CNTN5: variants seen among roughly 807,000 people sequenced by gnomAD.
The protein encoded by CNTN5 is contactin-5.
In CNTN5, 77 loss-of-function variants were observed where a neutral mutation model predicts 129.1. The ratio of observed to expected loss-of-function variants is 0.60; its 90% CI spans 0.50 to 0.72. The LOEUF (loss-of-function observed/expected upper bound fraction) is 0.72, where lower values mean the gene tolerates loss of function less well. Ranked by LOEUF, CNTN5 falls within the 30% of genes least tolerant of loss-of-function variation. CNTN5 has a pLI of 0.00. For synonymous variants in CNTN5, 509 were observed against 465.6 expected (o/e 1.09, Z -1.20); for missense variants, 1,478 against 1,328.8 (o/e 1.11, Z -1.75).
rs180890838 is a variant in CNTN5, at chr11:100,337,518, C to T, written c.2731-2945C>T. 8.8e-5 allele frequency: 65 copies of T among 740,178 alleles called. No homozygotes were observed. In the East Asian group the frequency reaches 1.1e-3, roughly 12 times the overall value. 45.9% of individuals were successfully genotyped at this position (740,178 alleles called of 1,614,324 possible). ...TCAGGATCTCAAGAACCAGCTCAAA[C>T]GCATGTCTGTATCCCCAGTCAAGCA... On this transcript the variant is annotated intron_variant, in intron 21 of 24. Coordinates refer to ENST00000524871, the MANE Select transcript of CNTN5 (RefSeq NM_014361.4).
intron 1 of CNTN5, among the ~76,000 whole-genome samples, chr11:99,262,402 T>A (rs543727585): frequency 5.9e-5 from 9 of 152,116 alleles, no homozygotes; most frequent in Non-Finnish European, 1.3e-4. Flanking sequence ...GTAATCATAA[T>A]GATAGCTACT....
intron 2 of CNTN5, among the ~76,000 whole-genome samples, chr11:99,502,321 C>A (rs1946453805): frequency 1.3e-5 from 2 of 152,160 alleles, no homozygotes; most frequent in South Asian, 2.1e-4. Context: ...TATGGTTAGG[C>A]TTTGTGTCCC....
chr11:100,153,161 T>G (rs1000364257), intron 13 of CNTN5, among the ~76,000 whole-genome samples: 4 of 152,268 alleles, frequency 2.6e-5, no homozygotes, highest in South Asian at 4.1e-4. Flanking sequence ...AATCAAACTC[T>G]AATCAGCAAA....
In CNTN5 at chr11:100,287,902, G is replaced by A. The variant is rs1299138875; in HGVS notation, c.2315-9723G>A. Among the ~76,000 whole-genome samples, 13 of 152,218 alleles carry A rather than the reference G, an allele frequency of 8.5e-5. No homozygotes were observed. The East Asian group carries it at 1.4e-3, about 16-fold the overall frequency. ...AACACACACAGGCTCAAAATAAAAG[G>A]ATGGAGGAAGATCTACCAAGCAAAT... On this transcript the variant is annotated intron_variant, in intron 18 of 24. Transcript: ENST00000524871.
chr11:99,311,242 T>C (rs1865101914), intron 1 of CNTN5, among the ~76,000 whole-genome samples: 1 of 152,174 alleles, frequency 6.6e-6, no homozygotes, highest in South Asian at 2.1e-4. Flanking sequence ...AGTTTTTAAG[T>C]AGGAACACCA....
chr11:99,534,597 T>A (rs551952295), intron 2 of CNTN5, among the ~76,000 whole-genome samples: 2 of 152,242 alleles, frequency 1.3e-5, no homozygotes, highest in South Asian at 2.1e-4. Context: ...AAATACTGAG[T>A]GTTGGTGTAT....
At chr11:100,124,118 AC>A (rs1565263249) in intron 13 of CNTN5, among the ~76,000 whole-genome samples, 1 of 151,842 alleles carries the variant, frequency 6.6e-6, no homozygotes, top group Non-Finnish European at 1.5e-5. Flanking sequence ...ATTTCCAGAA[AC>A]CCTCTGAGGG....
intron 4 of CNTN5, among the ~76,000 whole-genome samples, chr11:99,828,012 C>T (rs1250506557): frequency 7.3e-6 from 1 of 136,630 alleles, no homozygotes; most frequent in Non-Finnish European, 1.7e-5. Context: ...TAACTCATCA[C>T]AAGAGAGTTA....
intron 2 of CNTN5, among the ~76,000 whole-genome samples, chr11:99,503,099 T>A (rs1346102028): frequency 6.6e-6 from 1 of 152,246 alleles, no homozygotes; most frequent in Admixed American, 6.5e-5. Flanking sequence ...TTTTAATTTT[T>A]ACTTGCAGTT....
intron 1 of CNTN5, among the ~76,000 whole-genome samples, chr11:99,206,566 T>TTG (rs1254220143): frequency 6.6e-6 from 1 of 151,996 alleles, no homozygotes; most frequent in East Asian, 1.9e-4. Flanking sequence ...ATTAGTGTGT[T>TTG]TGTGTATGTG....
chr11:99,254,554 A>G (rs1862278927), intron 1 of CNTN5, among the ~76,000 whole-genome samples: 1 of 152,014 alleles, frequency 6.6e-6, no homozygotes, highest in Non-Finnish European at 1.5e-5. Context: ...TTACAAAGGC[A>G]GTGATAAAAG....
At chr11:99,358,864 T>C (rs1005841539) in intron 2 of CNTN5, among the ~76,000 whole-genome samples, 3 of 152,092 alleles carry the variant, frequency 2.0e-5, no homozygotes, top group African/African-American at 4.8e-5. Context: ...CAGAATTATG[T>C]ATGCAATGAT....
chr11:99,441,813 A>G (rs1280769279), intron 2 of CNTN5, among the ~76,000 whole-genome samples: 1 of 152,082 alleles, frequency 6.6e-6, no homozygotes, highest in African/African-American at 2.4e-5. Context: ...TTTTAAATGC[A>G]TTGTTATGAA....
intron 3 of CNTN5, among the ~76,000 whole-genome samples, chr11:99,671,037 TATC>T (rs1953013496): frequency 3.9e-5 from 6 of 152,200 alleles, no homozygotes. Flanking sequence ...TCATTTTAAA[TATC>T]ATTCACGTGT....
At chr11:99,220,021 C>G (rs537740878) in intron 1 of CNTN5, among the ~76,000 whole-genome samples, 1 of 151,956 alleles carries the variant, frequency 6.6e-6, no homozygotes, top group Non-Finnish European at 1.5e-5. Flanking sequence ...GAGAAAATGG[C>G]AATACATAGA....
intron 7 of CNTN5, among the ~76,000 whole-genome samples, chr11:99,916,581 T>C (rs1036721888): frequency 3.7e-4 from 56 of 152,282 alleles, no homozygotes; most frequent in African/African-American, 1.3e-3. Context: ...GAATTAGAAC[T>C]TCTAAGAAAT....
intron 3 of CNTN5, among the ~76,000 whole-genome samples, chr11:99,630,233 T>C (rs1951288740): frequency 1.3e-5 from 1 of 76,842 alleles, no homozygotes. Flanking sequence ...CTTATGGATG[T>C]GTGTGTGTAT....
At chr11:100,234,229 A>G (rs1458434327) in intron 16 of CNTN5, among the ~76,000 whole-genome samples, 2 of 100,646 alleles carry the variant, frequency 2.0e-5, no homozygotes, top group Non-Finnish European at 4.8e-5. Flanking sequence ...TGTAGAAGAC[A>G]GTGTGGTGAT....
At chr11:99,285,440 T>C (rs1863890414) in intron 1 of CNTN5, among the ~76,000 whole-genome samples, 1 of 152,088 alleles carries the variant, frequency 6.6e-6, no homozygotes, top group Admixed American at 6.5e-5. Flanking sequence ...GGAGGGAACA[T>C]TGATTCATAT....
Sources: allele counts gnomAD v4.1 joint callset (sites outside exome capture counted in the v4.1 genomes callset), GRCh38; gene constraint gnomAD v4.1.1; transcripts MANE v1.5; gene names NCBI Gene and HGNC (gene_info 2026-07-23, HGNC 2026-07-21).